Variants in KCNQ1 observed in about 807,000 individuals in gnomAD.
KCNQ1 encodes the protein potassium voltage-gated channel subfamily KQT member 1.
Under a neutral mutation model 72.4 loss-of-function variants are expected in KCNQ1, and 49 were observed. The ratio of observed to expected loss-of-function variants is 0.68; its 90% CI spans 0.54 to 0.86. The LOEUF is 0.86. Among genes scored for constraint, KCNQ1 ranks in the 40% least tolerant of loss-of-function variants. KCNQ1 has a pLI of 0.00. For synonymous variants in KCNQ1, 450 were observed against 412.6 expected, an observed-to-expected ratio of 1.09 and a Z score of -1.10; for missense variants, 790 against 945.1, an observed-to-expected ratio of 0.84 and a Z score of 2.15.
Position 2,700,855 on chromosome 11 carries a change from G to A in KCNQ1, c.1514+38774G>A, listed in dbSNP as rs190535862. On this transcript the variant is annotated intron_variant, in intron 11 of 15. Transcript: ENST00000155840. ...TCCGTCCCCTCCGCGCCGCTGGCGC[G>A]CGCCTTCTGAATGCCAAGCATTGCC... 4.7e-3 allele frequency among the ~76,000 whole-genome samples: 721 copies of A among 152,112 alleles called. 8 individuals carry two copies. Among genetic ancestry groups the A allele is most frequent in the African/African-American group, 0.017 (697 of 41,520 alleles).
chr11:2,636,540 T>C (rs1025874086), intron 10 of KCNQ1: 1 of 152,222 alleles, frequency 6.6e-6, no homozygotes, highest in Non-Finnish European at 1.5e-5. Flanking sequence ...GAAGCCCACT[T>C]GATCATGGTG....
chr11:2,741,723 CG>C (rs377619905), intron 11 of KCNQ1, among the ~76,000 whole-genome samples: 69 of 152,370 alleles, frequency 4.5e-4, no homozygotes, highest in African/African-American at 1.3e-3. Flanking sequence ...AAGCTGTGCT[CG>C]GGCCGGAGCA....
chr11:2,709,073 C>G (rs2133915785), intron 11 of KCNQ1, among the ~76,000 whole-genome samples: 1 of 152,252 alleles, frequency 6.6e-6, no homozygotes, highest in East Asian at 1.9e-4. Context: ...CACCGCCCCT[C>G]CCTGAGGCTG....
intron 11 of KCNQ1, among the ~76,000 whole-genome samples, chr11:2,743,866 G>C (rs1249913008): frequency 2.0e-5 from 3 of 152,232 alleles, no homozygotes; most frequent in African/African-American, 7.2e-5. Context: ...TGGTAGGGTG[G>C]GATATTTCAG....
rs372800617 is a variant in KCNQ1, at chr11:2,531,121, C to T, written c.477+3103C>T. Among the ~76,000 whole-genome samples, 18 of 152,262 alleles carry T rather than the reference C, an allele frequency of 1.2e-4. No individual in the cohort carries two copies. In the East Asian group the frequency reaches 2.9e-3, roughly 25 times the overall value. On this transcript the variant is annotated intron_variant, in intron 2 of 15. Coordinates refer to ENST00000155840, the MANE Select transcript of KCNQ1 (RefSeq NM_000218.3). ...GTTATCTCCCAGGCAGCTGGGAGGG[C>T]GAAGCCTGGAGAAGCCTGCACCCAG... is the stretch of plus-strand genomic sequence containing the variant.
At chr11:2,490,448 G>A (rs1307623450) in intron 1 of KCNQ1, among the ~76,000 whole-genome samples, 2 of 152,212 alleles carry the variant, frequency 1.3e-5, no homozygotes, top group Non-Finnish European at 2.9e-5. Context: ...TAGCCAGGTA[G>A]TGCTTACAGC....
rs184341880 is a variant in KCNQ1, at chr11:2,452,878, G to A, written c.386+7394G>A. The stretch of plus-strand genomic sequence containing the variant: ...TGGGCGGCTTCATGCGTGCTGCGGG[G>A]TGGGTGGGTGGCCATGTGGAAAGTG... On this transcript the variant is annotated intron_variant, in intron 1 of 15. Coordinates refer to ENST00000155840, the MANE Select transcript of KCNQ1 (RefSeq NM_000218.3). 2.8e-3 allele frequency among the ~76,000 whole-genome samples: 420 copies of A among 152,270 alleles called. 2 individuals are homozygous for A. The highest frequency in any genetic ancestry group is 5.1e-3 in the Non-Finnish European group (346 of 68,030).
rs1412839978 is a variant in KCNQ1, at chr11:2,526,773, C to T, written c.387-1155C>T. On this transcript the variant is annotated intron_variant, in intron 1 of 15. Transcript: ENST00000155840. This position sits in a 1 kb window ranked among gnomAD's most constrained non-coding sequence, Gnocchi z 6.1. Reference sequence around the variant, plus strand: ...CTGGATGAGAGGCAATGCAGGGGGCCTTCTGGCTGTCCTGGGGTGGGTTAG... The same window carrying T: ...CTGGATGAGAGGCAATGCAGGGGGCTTTCTGGCTGTCCTGGGGTGGGTTAG... Among the ~76,000 whole-genome samples the T allele has an allele frequency of 6.6e-6, 1 of 152,058 alleles. No individual in the cohort carries two copies. The highest frequency in any genetic ancestry group is 1.5e-5 in the Non-Finnish European group (1 of 67,974).
chr11:2,583,189 G>A (rs1444740163), intron 6 of KCNQ1, among the ~76,000 whole-genome samples: 9 of 152,166 alleles, frequency 5.9e-5, no homozygotes, highest in Non-Finnish European at 1.2e-4. Flanking sequence ...CTGGCCCTTC[G>A]TGGGTGCTGG....
At position 2,613,864 on chromosome 11, in the gene KCNQ1, G is replaced by C; in HGVS notation, c.1393+25010G>C. 2.5e-6 allele frequency: 1 copy of C among 398,464 alleles called. No individual in the cohort carries two copies. 24.7% of individuals were successfully genotyped at this position (398,464 alleles called of 1,614,324 possible). Reference sequence around the variant, plus strand: ...TCTAGTTTATAGTTTGTGTGTGTTTGCTCTTTATAAGACATGATTATTTTC... The same window carrying C: ...TCTAGTTTATAGTTTGTGTGTGTTTCCTCTTTATAAGACATGATTATTTTC... On this transcript the variant is annotated intron_variant, in intron 10 of 15. Coordinates refer to ENST00000155840, the MANE Select transcript of KCNQ1 (RefSeq NM_000218.3). The surrounding 1 kb of genome is among the most constrained non-coding windows in gnomAD (Gnocchi z 4.8).
chr11:2,616,180 A>G, intron 10 of KCNQ1: 1 of 396,014 alleles, frequency 2.5e-6, no homozygotes, highest in Non-Finnish European at 4.4e-6. Flanking sequence ...TTTCTGTAAG[A>G]TCAGTTATAT....
rs1848463312 is a variant in KCNQ1 at position 2,579,254 on chromosome 11, C to T, written c.922-4181C>T. On this transcript the variant is annotated intron_variant, in intron 6 of 15. Transcript: ENST00000155840. The surrounding 1 kb of genome is among the most constrained non-coding windows in gnomAD (Gnocchi z 6.0). ...AATCCCAGTGTTTCTCAGGGAGGAA[C>T]ATGGGGGGACTAGAAGGCTCCCCAT... Among the ~76,000 whole-genome samples, 1 of 152,144 alleles carries T rather than the reference C, an allele frequency of 6.6e-6. No homozygotes were observed. The highest frequency in any genetic ancestry group is 2.1e-4 in the South Asian group (1 of 4,836).
Position 2,645,857 on chromosome 11 carries a change from T to C in KCNQ1, c.1394-16104T>C, listed in dbSNP as rs538358280. Reference sequence around the variant, plus strand: ...CCTGAGGATTCAGGGGATGTGTGAATTGCCTGAGGATTCAGGGTGATCTCC... The same window carrying C: ...CCTGAGGATTCAGGGGATGTGTGAACTGCCTGAGGATTCAGGGTGATCTCC... On this transcript the variant is annotated intron_variant, in intron 10 of 15. Transcript: ENST00000155840. The surrounding 1 kb of genome is among the most constrained non-coding windows in gnomAD (Gnocchi z 5.8). 35 of 397,912 alleles carry C rather than the reference T, an allele frequency of 8.8e-5. 2 individuals are homozygous for C. The South Asian group carries it at 4.3e-3, about 49-fold the overall frequency. The allele number at this position is 397,912 out of a possible 1,614,324, so 24.6% of individuals were successfully genotyped here.
rs369776283 is a variant in KCNQ1 at position 2,498,166 on chromosome 11, G to A, written c.387-29762G>A. On this transcript the variant is annotated intron_variant, in intron 1 of 15. Coordinates refer to ENST00000155840, the MANE Select transcript of KCNQ1 (RefSeq NM_000218.3). This position sits in a 1 kb window ranked among gnomAD's most constrained non-coding sequence, Gnocchi z 4.8. ...CATGGGGCTCAGGGACCCACTTGAGGAGGCAGTCTGTCCCTTAGCAGAGCT... is the reference window on the plus strand; with the variant it reads ...CATGGGGCTCAGGGACCCACTTGAGAAGGCAGTCTGTCCCTTAGCAGAGCT... Among the ~76,000 whole-genome samples the A allele has an allele frequency of 2.4e-3, 365 of 152,346 alleles. No homozygotes were observed. Among genetic ancestry groups the A allele is most frequent in the African/African-American group, 7.9e-3 (330 of 41,580 alleles).
intron 8 of KCNQ1, among the ~76,000 whole-genome samples, chr11:2,586,076 G>A (rs1320851160): frequency 6.6e-6 from 1 of 152,206 alleles, no homozygotes; most frequent in Admixed American, 6.5e-5. Flanking sequence ...CCGCTGAGGT[G>A]CCCAGAGGGT....
At chr11:2,726,103 G>A (rs1051144621) in intron 11 of KCNQ1, among the ~76,000 whole-genome samples, 1 of 152,188 alleles carries the variant, frequency 6.6e-6, no homozygotes, top group African/African-American at 2.4e-5. Context: ...GTGAAGGGCT[G>A]GGGACGGCCT....
intron 11 of KCNQ1, among the ~76,000 whole-genome samples, chr11:2,756,462 G>C (rs1165707903): frequency 7.2e-6 from 1 of 139,334 alleles, no homozygotes; most frequent in East Asian, 2.0e-4. Flanking sequence ...AAAAAAACAT[G>C]ACTTTTGGGA....
At position 2,669,663 on chromosome 11, in the gene KCNQ1, A is replaced by C; in HGVS notation, c.1514+7582A>C. ...TGTATACATTGGGAGTATATCTCAC[A>C]GTATTAGTGTAAGGCCTTGAGGAGA... On this transcript the variant is annotated intron_variant, in intron 11 of 15. Coordinates refer to ENST00000155840, the MANE Select transcript of KCNQ1 (RefSeq NM_000218.3). This position sits in a 1 kb window ranked among gnomAD's most constrained non-coding sequence, Gnocchi z 5.6. 2.5e-6 allele frequency: 1 copy of C among 398,626 alleles called. No individual in the cohort carries two copies. The highest frequency in any genetic ancestry group is 4.4e-6 in the Non-Finnish European group (1 of 226,070). The allele number at this position is 398,626 out of a possible 1,614,324, so 24.7% of individuals were successfully genotyped here. A position where few individuals can be genotyped will look rare whatever the true frequency, so the allele number is the denominator to read the frequency against.
chr11:2,548,738 GCA>G (rs901866599), intron 2 of KCNQ1, among the ~76,000 whole-genome samples: 7 of 152,254 alleles, frequency 4.6e-5, no homozygotes, highest in African/African-American at 1.4e-4. Context: ...TTATGCGTGT[GCA>G]CACACGGTGT....
Sources: gnomAD v4.1 joint callset for allele counts (sites outside exome capture counted in the v4.1 genomes callset) on GRCh38, gnomAD v4.1.1 for gene constraint, Gnocchi (gnomAD v3.1) non-coding constraint, MANE v1.5 for transcripts, NCBI Gene and HGNC (gene_info 2026-07-23, HGNC 2026-07-21) for gene names.